Variants in ASTN2 observed in about 807,000 individuals in gnomAD.
ASTN2 encodes the protein astrotactin 2.
Under a neutral mutation model 139.8 loss-of-function variants are expected in ASTN2, and 54 were observed. The observed-to-expected ratio is 0.39, with a 90% confidence interval of 0.31 to 0.48. The LOEUF is 0.48. ASTN2 is among the 20% of genes least tolerant of loss of function. The probability of loss-of-function intolerance (pLI) is 0.95; values close to 1 mark genes in which losing one functional copy is unlikely to be tolerated. For synonymous variants in ASTN2, 756 were observed against 719.5 expected (o/e 1.05, Z -0.81); for missense variants, 1,565 against 1,725.1 (o/e 0.91, Z 1.64).
chr9:116,483,238 C>T lies in ASTN2; in HGVS notation c.3497+4121G>A, dbSNP rs149978825. 2.7e-3 allele frequency among the ~76,000 whole-genome samples: 414 copies of T among 152,302 alleles called. 3 individuals are homozygous for T. The highest frequency in any genetic ancestry group is 9.0e-3 in the African/African-American group (376 of 41,580). On this transcript the variant is annotated intron_variant, in intron 20 of 22. Coordinates refer to ENST00000313400, the MANE Select transcript of ASTN2 (RefSeq NM_001365068.1). ...TCTGCTGCTTTTGTTTGTTTTCATT[C>T]AAAAGCAAAACAAATGAAATAAACA...
rs184493374 is a variant in ASTN2, at chr9:116,740,368, C to T, written c.2397-6845G>A. Among the ~76,000 whole-genome samples the T allele has an allele frequency of 1.7e-3, 252 of 152,278 alleles. 2 individuals are homozygous for T. The highest frequency in any genetic ancestry group is 3.0e-3 in the Non-Finnish European group (202 of 68,030). On this transcript the variant is annotated intron_variant, in intron 13 of 22. Coordinates refer to ENST00000313400, the MANE Select transcript of ASTN2 (RefSeq NM_001365068.1). The stretch of plus-strand genomic sequence containing the variant: ...AAAGAGCATGGGCTTAGAACTCATA[C>T]GCACATGGATACAAATTCTAGCTGT...
chr9:117,386,691 C>T (rs1023991216), intron 1 of ASTN2, among the ~76,000 whole-genome samples: 2 of 152,082 alleles, frequency 1.3e-5, no homozygotes, highest in Non-Finnish European at 2.9e-5. Flanking sequence ...GTGAATGCCT[C>T]CCTCTCTGAG....
intron 11 of ASTN2, among the ~76,000 whole-genome samples, chr9:116,856,216 G>A (rs1157299197): frequency 1.3e-5 from 2 of 152,166 alleles, no homozygotes; most frequent in Non-Finnish European, 2.9e-5. Flanking sequence ...GGCAAAATCT[G>A]TCTCAGTTGT....
intron 3 of ASTN2, among the ~76,000 whole-genome samples, chr9:117,182,890 C>T (rs2132949844): frequency 6.6e-6 from 1 of 152,182 alleles, no homozygotes; most frequent in South Asian, 2.1e-4. Context: ...AGAGACTCTT[C>T]CTCATATTGA....
At chr9:116,439,218 T>TTTTTTTTTTTTTTTA in intron 22 of ASTN2, among the ~76,000 whole-genome samples, 1 of 98,966 alleles carries the variant, frequency 1.0e-5, no homozygotes, top group Non-Finnish European at 1.9e-5. Context: ...TTTTTTTTTT[T>TTTTTTTTTTTTTTTA]GAGACGGAGT....
chr9:116,990,576 TAG>T (rs1253815180), intron 7 of ASTN2, among the ~76,000 whole-genome samples: 2 of 152,132 alleles, frequency 1.3e-5, no homozygotes, highest in Non-Finnish European at 2.9e-5. Context: ...CAGCCTTTCT[TAG>T]AGTTCTTTAA....
chr9:117,380,454 A>T (rs1223835173), intron 1 of ASTN2, among the ~76,000 whole-genome samples: 1 of 151,814 alleles, frequency 6.6e-6, no homozygotes. Context: ...AAAATACAAA[A>T]ATTAGCTGGG....
chr9:117,067,267 C>T (rs1260900968), intron 5 of ASTN2, among the ~76,000 whole-genome samples: 6 of 129,874 alleles, frequency 4.6e-5, no homozygotes, highest in African/African-American at 1.6e-4. Context: ...ATAGGGAATC[C>T]TTTCCCCATT....
chr9:116,548,564 C>T (rs555275017), intron 19 of ASTN2, among the ~76,000 whole-genome samples: 1 of 152,214 alleles, frequency 6.6e-6, no homozygotes, highest in East Asian at 1.9e-4. Context: ...CCTCTGCCTC[C>T]TGGGTTCAAG....
At chr9:117,255,784 G>A (rs1239633234) in intron 2 of ASTN2, among the ~76,000 whole-genome samples, 1 of 152,170 alleles carries the variant, frequency 6.6e-6, no homozygotes, top group Non-Finnish European at 1.5e-5. Flanking sequence ...AACACAGGGA[G>A]GGGAGGAGGA....
chr9:117,013,923 T>C (rs1234565830), intron 6 of ASTN2, among the ~76,000 whole-genome samples: 1 of 152,200 alleles, frequency 6.6e-6, no homozygotes, highest in East Asian at 1.9e-4. Context: ...AAGAAGGCTC[T>C]GGTCACAGTG....
intron 16 of ASTN2, among the ~76,000 whole-genome samples, chr9:116,683,720 A>C (rs923947184): frequency 1.3e-5 from 2 of 152,194 alleles, no homozygotes; most frequent in Non-Finnish European, 2.9e-5. Flanking sequence ...CCATGAAAAA[A>C]ATTTAGAGCA....
chr9:117,299,953 T>C lies in ASTN2; in HGVS notation c.443-8440A>G, dbSNP rs79809689. On this transcript the variant is annotated intron_variant, in intron 1 of 22. Coordinates refer to ENST00000313400, the MANE Select transcript of ASTN2 (RefSeq NM_001365068.1). ...AGCACAAATTACAGAGCCTCTATGA[T>C]TTTCTTTACTTGTAAAATGGGGGTC... 6.6e-5 allele frequency among the ~76,000 whole-genome samples: 10 copies of C among 152,308 alleles called. No individual in the cohort carries two copies. The East Asian group carries it at 1.9e-3, about 29-fold the overall frequency.
chr9:117,322,820 A>G (rs1828376701), intron 1 of ASTN2, among the ~76,000 whole-genome samples: 1 of 152,046 alleles, frequency 6.6e-6, no homozygotes, highest in South Asian at 2.1e-4. Flanking sequence ...AGGGCAATGG[A>G]AGATTTCTTT....
chr9:116,764,342 G>A (rs2119687), intron 13 of ASTN2, among the ~76,000 whole-genome samples: 65,280 of 151,984 alleles, frequency 0.43, 14,184 homozygotes, highest in South Asian at 0.61. Flanking sequence ...TCTTAGCCCA[G>A]TTTGAGCCAA....
In ASTN2 at chr9:116,941,182, T is replaced by G. The variant is rs142419269; in HGVS notation, c.1889+34026A>C. Among the ~76,000 whole-genome samples, 721 of 129,030 alleles carry G rather than the reference T, an allele frequency of 5.6e-3. 1 individual carries two copies. Among genetic ancestry groups the G allele is most frequent in the Non-Finnish European group, 8.8e-3 (518 of 58,858 alleles). The allele number at this position is 129,030 out of a possible 152,430, so 84.6% of individuals were successfully genotyped here. On this transcript the variant is annotated intron_variant, in intron 10 of 22. Transcript: ENST00000313400. ...TGCAGAAGACAACTGAGGATACCAG[T>G]TTGAGATCCATTAAGACTTGGTTAT...
chr9:116,775,120 G>GA (rs1830046902), intron 13 of ASTN2, among the ~76,000 whole-genome samples: 1 of 152,038 alleles, frequency 6.6e-6, no homozygotes, highest in Non-Finnish European at 1.5e-5. Flanking sequence ...ATTCAGGTCG[G>GA]AAAAGACTAT....
Position 117,214,279 on chromosome 9 carries a change from C to A in ASTN2, c.1015+79G>T, listed in dbSNP as rs1292018506. 4.0e-6 allele frequency: 6 copies of A among 1,487,020 alleles called. No individual in the cohort carries two copies. In the African/African-American group the frequency reaches 4.2e-5, roughly 10 times the overall value. 92.1% of individuals were successfully genotyped at this position (1,487,020 alleles called of 1,614,324 possible). ...TCCCAGAAAACACTGCCTGTAGTCC[C>A]CAACTGCCCAGCTTCTGCACCTCTT... On this transcript the variant is annotated intron_variant, in intron 3 of 22. Transcript: ENST00000313400.
intron 7 of ASTN2, among the ~76,000 whole-genome samples, chr9:116,978,746 G>T (rs1357879835): frequency 6.6e-6 from 1 of 151,692 alleles, no homozygotes; most frequent in Admixed American, 6.6e-5. Context: ...GGATACTGAA[G>T]AAAGTATCAG....
Sources: allele counts gnomAD v4.1 joint callset (sites outside exome capture counted in the v4.1 genomes callset), GRCh38; gene constraint gnomAD v4.1.1; transcripts MANE v1.5; gene names NCBI Gene and HGNC (gene_info 2026-07-23, HGNC 2026-07-21).